CSMD1: variants seen among roughly 807,000 people sequenced by gnomAD.
CSMD1 encodes CUB and sushi domain-containing protein 1.
Under a neutral mutation model 417.5 loss-of-function variants are expected in CSMD1, and 213 were observed. The observed-to-expected ratio is 0.51, with a 90% CI of 0.46 to 0.57. The LOEUF (loss-of-function observed/expected upper bound fraction) is 0.57, where lower values mean the gene tolerates loss of function less well. Among genes scored for constraint, CSMD1 ranks in the 20% least tolerant of loss-of-function variants. The pLI, the probability that CSMD1 is intolerant of heterozygous loss-of-function variation, is 0.00. For synonymous variants in CSMD1, 2,862 were observed against 1,736.8 expected (o/e 1.65, Z -16.11); for missense variants, 6,923 against 4,529.7 (o/e 1.53, Z -15.17).
At chr8:3,855,714 A>C (rs543774289) in intron 5 of CSMD1, among the ~76,000 whole-genome samples, 6 of 152,276 alleles carry the variant, frequency 3.9e-5, no homozygotes, top group Admixed American at 3.9e-4. Flanking sequence ...ATTTTCTTCT[A>C]CTGAGAAAAT....
chr8:3,497,126 T>C (rs1388878338), intron 10 of CSMD1, among the ~76,000 whole-genome samples: 1 of 152,192 alleles, frequency 6.6e-6, no homozygotes, highest in Non-Finnish European at 1.5e-5. Flanking sequence ...ATGCAGCTGT[T>C]GGATGAAATG....
At chr8:3,187,826 C>A in intron 36 of CSMD1, 43 bp downstream of exon 36, 5 of 1,438,668 alleles carry the variant, frequency 3.5e-6, no homozygotes, top group Non-Finnish European at 3.9e-6. Flanking sequence ...TTGGTGTTTG[C>A]AGATTTTGAG....
intron 65 of CSMD1, among the ~76,000 whole-genome samples, chr8:2,952,910 T>C (rs1427103523): frequency 1.3e-5 from 2 of 152,154 alleles, no homozygotes; most frequent in Non-Finnish European, 2.9e-5. Context: ...ATTTCACTTG[T>C]TGCTGGCAGC....
At chr8:4,203,140 C>G (rs1035355406) in intron 3 of CSMD1, among the ~76,000 whole-genome samples, 1 of 152,264 alleles carries the variant, frequency 6.6e-6, no homozygotes, top group South Asian at 2.1e-4. Flanking sequence ...AAGCTGAAAA[C>G]CTTTTCTGGC....
intron 15 of CSMD1, among the ~76,000 whole-genome samples, chr8:3,404,740 T>C (rs1812243734): frequency 6.6e-6 from 1 of 152,076 alleles, no homozygotes; most frequent in African/African-American, 2.4e-5. Flanking sequence ...TACAAAGTTA[T>C]TATCATGAGA....
chr8:4,457,762 C>T (rs888857288), intron 2 of CSMD1, among the ~76,000 whole-genome samples: 3 of 152,174 alleles, frequency 2.0e-5, no homozygotes, highest in Non-Finnish European at 4.4e-5. Context: ...CATAGGACAC[C>T]TCTTCACTGG....
At chr8:4,574,727 G>A (rs1373285052) in intron 2 of CSMD1, among the ~76,000 whole-genome samples, 1 of 152,114 alleles carries the variant, frequency 6.6e-6, no homozygotes, top group East Asian at 1.9e-4. Flanking sequence ...ACTAACCATA[G>A]ACACACACCT....
At chr8:3,731,819 T>C (rs7835736) in intron 6 of CSMD1, among the ~76,000 whole-genome samples, 4,692 of 152,238 alleles carry the variant, frequency 0.031, 212 homozygotes, top group African/African-American at 0.1. Context: ...TTTCATTTAC[T>C]CCTCACCACC....
chr8:4,481,020 T>C (rs1053468218), intron 2 of CSMD1, among the ~76,000 whole-genome samples: 11 of 152,328 alleles, frequency 7.2e-5, no homozygotes, highest in African/African-American at 2.6e-4. Context: ...CAGCTATTTG[T>C]TTCTATTTCT....
intron 10 of CSMD1, among the ~76,000 whole-genome samples, chr8:3,541,226 G>C (rs1169213982): frequency 2.0e-5 from 3 of 152,180 alleles, no homozygotes; most frequent in Admixed American, 1.3e-4. Flanking sequence ...CACGTGCTTT[G>C]CAGGAACATG....
chr8:4,484,562 C>A (rs1918035), intron 2 of CSMD1, among the ~76,000 whole-genome samples: 2,426 of 152,188 alleles, frequency 0.016, 57 homozygotes, highest in African/African-American at 0.056. Flanking sequence ...ACTGAATACA[C>A]AGATTCATCA....
intron 3 of CSMD1, among the ~76,000 whole-genome samples, chr8:4,247,577 T>C (rs968056231): frequency 2.0e-5 from 3 of 152,168 alleles, no homozygotes; most frequent in Admixed American, 1.3e-4. Context: ...AATACCACCA[T>C]TCTTGTTAAA....
intron 2 of CSMD1, among the ~76,000 whole-genome samples, chr8:4,448,151 A>G (rs1489518170): frequency 2.0e-5 from 3 of 152,206 alleles, no homozygotes; most frequent in African/African-American, 4.8e-5. Context: ...TATCGCTCGT[A>G]TCACCTCAAG....
At chr8:3,112,244 T>G (rs180938252) in intron 42 of CSMD1, among the ~76,000 whole-genome samples, 3 of 152,298 alleles carry the variant, frequency 2.0e-5, no homozygotes, top group Admixed American at 6.5e-5. Context: ...AGTGAACTCA[T>G]GAAACCAATT....
intron 5 of CSMD1, among the ~76,000 whole-genome samples, chr8:3,798,688 G>A (rs1038543135): frequency 6.6e-6 from 1 of 152,124 alleles, no homozygotes; most frequent in South Asian, 2.1e-4. Flanking sequence ...ACATATAAGT[G>A]TATATACACA....
intron 30 of CSMD1, among the ~76,000 whole-genome samples, chr8:3,212,752 CAT>C (rs1797686649): frequency 6.6e-6 from 1 of 151,892 alleles, no homozygotes; most frequent in Non-Finnish European, 1.5e-5. Flanking sequence ...GACTTAGAAA[CAT>C]AGAAATAGCA....
chr8:3,184,215 C>G (rs1387351196), intron 36 of CSMD1, among the ~76,000 whole-genome samples: 1 of 152,140 alleles, frequency 6.6e-6, no homozygotes, highest in Non-Finnish European at 1.5e-5. Flanking sequence ...TTCACTTTGA[C>G]TTTCCTATTT....
At chr8:4,158,021 G>A (rs1244078695) in intron 3 of CSMD1, among the ~76,000 whole-genome samples, 1 of 151,886 alleles carries the variant, frequency 6.6e-6, no homozygotes, top group Non-Finnish European at 1.5e-5. Context: ...CCCCATACAC[G>A]GAACCAATGC....
intron 5 of CSMD1, among the ~76,000 whole-genome samples, chr8:3,782,638 A>G (rs1419941876): frequency 6.6e-6 from 1 of 152,212 alleles, no homozygotes; most frequent in Non-Finnish European, 1.5e-5. Flanking sequence ...TAGAACTTAA[A>G]GTGTAATTTA....
Sources: gnomAD v4.1 joint callset for allele counts (sites outside exome capture counted in the v4.1 genomes callset) on GRCh38, gnomAD v4.1.1 for gene constraint, MANE v1.5 for transcripts, NCBI Gene and HGNC (gene_info 2026-07-23, HGNC 2026-07-21) for gene names.